KCTD1: variants seen among roughly 807,000 people sequenced by gnomAD.
KCTD1 encodes the protein potassium channel tetramerization domain containing 1.
A neutral mutation model predicts 66.0 loss-of-function variants in KCTD1; 24 were observed. The ratio of observed to expected loss-of-function variants is 0.36; its 90% CI spans 0.26 to 0.51. The LOEUF (loss-of-function observed/expected upper bound fraction) is 0.51. KCTD1 is among the 20% of genes least tolerant of loss of function. The pLI, the probability that KCTD1 is intolerant of heterozygous loss-of-function variation, is 0.95. For missense variants in KCTD1, 943 were observed against 1,205.2 expected, an observed-to-expected ratio of 0.78 and a Z score of 3.22; for synonymous variants, 511 against 517.2, an observed-to-expected ratio of 0.99 and a Z score of 0.16.
At chr18:26,519,385 C>G (rs1017304035) in intron 1 of KCTD1, among the ~76,000 whole-genome samples, 2 of 152,182 alleles carry the variant, frequency 1.3e-5, no homozygotes, top group South Asian at 4.1e-4. Flanking sequence ...GTTCCTAAGT[C>G]AGTCCAGTAT....
chr18:26,611,824 T>A (rs144019583), intron 1 of KCTD1, among the ~76,000 whole-genome samples: 1 of 152,200 alleles, frequency 6.6e-6, no homozygotes, highest in African/African-American at 2.4e-5. Flanking sequence ...GATGAAGACT[T>A]ACATGTTGCT....
chr18:26,512,322 C>T (rs966710481), intron 1 of KCTD1, among the ~76,000 whole-genome samples: 4 of 151,860 alleles, frequency 2.6e-5, no homozygotes, highest in African/African-American at 4.8e-5. Context: ...AGGCTGGTCT[C>T]GAACTCCTGA....
intron 1 of KCTD1, among the ~76,000 whole-genome samples, chr18:26,611,403 T>C (rs1298401960): frequency 6.6e-6 from 1 of 152,044 alleles, no homozygotes; most frequent in East Asian, 1.9e-4. Flanking sequence ...CAGGCTGGAG[T>C]GCACTGGAAT....
intron 4 of KCTD1, chr18:26,458,122 C>T (rs1980197558): frequency 6.6e-6 from 1 of 152,264 alleles, no homozygotes. Flanking sequence ...CACACACCTC[C>T]AGGGGACGCT....
intron 1 of KCTD1, among the ~76,000 whole-genome samples, chr18:26,625,244 C>T (rs772344581): frequency 3.3e-5 from 5 of 151,944 alleles, no homozygotes; most frequent in South Asian, 2.1e-4. Flanking sequence ...TGGAAAGGCA[C>T]GATTGTGTTT....
rs1428130576 is a variant in KCTD1, at chr18:26,601,230, G to A, written c.-16+27917C>T. On this transcript the variant is annotated intron_variant, in intron 1 of 4. Transcript: ENST00000317932. The stretch of plus-strand genomic sequence containing the variant: ...TTTGTTCTTGTTACCCACCCGTACG[G>A]ACTTGGGGTCTATCTTGCCAAATAT... Among the ~76,000 whole-genome samples, 6 of 148,672 alleles carry A rather than the reference G, an allele frequency of 4.0e-5. No individual in the cohort carries two copies. In the East Asian group the frequency reaches 1.0e-3, roughly 25 times the overall value.
chr18:26,555,818 T>G (rs1044372203), intron 1 of KCTD1, among the ~76,000 whole-genome samples: 9 of 152,184 alleles, frequency 5.9e-5, no homozygotes, highest in African/African-American at 2.2e-4. Flanking sequence ...TCGATAATGA[T>G]AGTGAAATAA....
chr18:26,490,911 C>A (rs994936527), intron 2 of KCTD1, among the ~76,000 whole-genome samples: 3 of 151,974 alleles, frequency 2.0e-5, no homozygotes, highest in Non-Finnish European at 4.4e-5. Flanking sequence ...TGCTACCATG[C>A]CCAGCTAATT....
At chr18:26,630,962 A>G (rs1379071235), upstream of KCTD1, among the ~76,000 whole-genome samples, 1 of 152,228 alleles carries the variant, frequency 6.6e-6, no homozygotes, top group African/African-American at 2.4e-5. Context: ...TCCATCTGCA[A>G]CTGCGATCTT....
At chr18:26,634,530 A>G (rs1381034048) in intron 1 of KCTD1, among the ~76,000 whole-genome samples, 1 of 152,198 alleles carries the variant, frequency 6.6e-6, no homozygotes, top group African/African-American at 2.4e-5. Context: ...GAAAAGAGTA[A>G]GAAAGGGGCA....
rs140961469 is a variant in KCTD1 at position 26,516,111 on chromosome 18, A to G, written c.1810-14861T>C. ...AAGAAGTGAGAAGAAAGGGAAGGGGAGCAGGAAGTGAGGAAAGGACAGTGG... is the reference window on the plus strand; with the variant it reads ...AAGAAGTGAGAAGAAAGGGAAGGGGGGCAGGAAGTGAGGAAAGGACAGTGG... On this transcript the variant is annotated intron_variant, in intron 1 of 4. Transcript: ENST00000580059. Among the ~76,000 whole-genome samples, 960 of 152,076 alleles carry G rather than the reference A, an allele frequency of 6.3e-3. 6 individuals are homozygous for G. The highest frequency in any genetic ancestry group is 0.013 in the Admixed American group (206 of 15,270).
At chr18:26,599,600 G>T in intron 1 of KCTD1, 3 of 1,497,266 alleles carry the variant, frequency 2.0e-6, no homozygotes. Flanking sequence ...TATTTTGTCG[G>T]GTTTAGTCCC....
chr18:26,574,146 T>C (rs1009028976), intron 1 of KCTD1, among the ~76,000 whole-genome samples: 35 of 152,236 alleles, frequency 2.3e-4, no homozygotes, highest in African/African-American at 8.4e-4. Context: ...TTGTCTCTTA[T>C]TGATCATAAT....
At chr18:26,625,019 A>T (rs1003195246) in intron 1 of KCTD1, among the ~76,000 whole-genome samples, 2 of 152,148 alleles carry the variant, frequency 1.3e-5, no homozygotes, top group Non-Finnish European at 2.9e-5. Context: ...TGAATTTCAG[A>T]CTTGTGTGGG....
chr18:26,527,498 G>C (rs867312631), intron 1 of KCTD1, among the ~76,000 whole-genome samples: 16 of 148,876 alleles, frequency 1.1e-4, no homozygotes, highest in Middle Eastern at 3.4e-3. Flanking sequence ...AAAAAGGGGG[G>C]GGGGCGTGGG....
intron 1 of KCTD1, among the ~76,000 whole-genome samples, chr18:26,593,877 GAAGAT>G (rs1352697573): frequency 1.6e-5 from 2 of 123,038 alleles, no homozygotes; most frequent in African/African-American, 6.1e-5. Context: ...GGAGGAAGAG[GAAGAT>G]AAGGAGGAGG....
intron 1 of KCTD1, among the ~76,000 whole-genome samples, chr18:26,611,635 G>A (rs1987141169): frequency 6.6e-6 from 1 of 152,182 alleles, no homozygotes; most frequent in Admixed American, 6.5e-5. Flanking sequence ...ACAAGGGTGA[G>A]CCACCATGCC....
chr18:26,571,367 A>C (rs572545685), intron 1 of KCTD1, among the ~76,000 whole-genome samples: 2 of 152,348 alleles, frequency 1.3e-5, no homozygotes, highest in South Asian at 4.1e-4. Flanking sequence ...ATTTAAAAAA[A>C]TACCCATATC....
intron 1 of KCTD1, chr18:26,581,417 C>T (rs1051277983): frequency 2.6e-5 from 4 of 152,154 alleles, no homozygotes; most frequent in African/African-American, 9.7e-5. Flanking sequence ...ACCATCATGC[C>T]TGGCTAATTT....
Sources: allele counts gnomAD v4.1 joint callset (sites outside exome capture counted in the v4.1 genomes callset), GRCh38; gene constraint gnomAD v4.1.1; transcripts MANE v1.5; gene names NCBI Gene and HGNC (gene_info 2026-07-23, HGNC 2026-07-21).